THOC7: variants seen among roughly 807,000 people sequenced by gnomAD.
THOC7 encodes the protein THO complex subunit 7.
A neutral mutation model predicts 33.1 loss-of-function variants in THOC7; 22 were observed. That is an observed-to-expected ratio of 0.66 (90% CI 0.47 to 0.95). THOC7 has a LOEUF of 0.95. Among genes scored for constraint, THOC7 ranks in the 40% least tolerant of loss-of-function variants. THOC7 has a pLI of 0.00. For missense variants in THOC7, 184 were observed against 245.3 expected (o/e 0.75, Z 1.67); for synonymous variants, 77 against 76.8 (o/e 1.00, Z -0.01).
At chr3:63,844,892 A>C (rs1670714202) in intron 1 of THOC7, 1 of 514,070 alleles carries the variant, frequency 1.9e-6, no homozygotes, top group African/African-American at 1.9e-5. Context: ...GTAAGACGGA[A>C]AATTGTACTG....
rs1701705964 is a variant in THOC7 at position 63,839,365 on chromosome 3, A to G, written c.137+291T>C. On this transcript the variant is annotated intron_variant, in intron 2 of 7. Coordinates refer to ENST00000295899, the MANE Select transcript of THOC7 (RefSeq NM_025075.4). ...TTTTATTAGCAAAGGAGAAAATTCC[A>G]TTTAGATATTTTATCTTACTAAACA... Among the ~76,000 whole-genome samples, 3 of 152,178 alleles carry G rather than the reference A, an allele frequency of 2.0e-5. No individual in the cohort carries two copies. The South Asian group carries it at 6.2e-4, about 32-fold the overall frequency.
At chr3:63,841,224 T>C (rs546515037) in intron 1 of THOC7, among the ~76,000 whole-genome samples, 1 of 152,294 alleles carries the variant, frequency 6.6e-6, no homozygotes, top group South Asian at 2.1e-4. Flanking sequence ...TGTGTGCATG[T>C]GTATCACACA....
At chr3:63,845,666 C>A (rs966634491) in intron 1 of THOC7, among the ~76,000 whole-genome samples, 2 of 151,984 alleles carry the variant, frequency 1.3e-5, no homozygotes, top group African/African-American at 4.8e-5. Context: ...CTGGGTCAGA[C>A]AAAAAAGAAA....
chr3:63,859,156 C>CATTT (rs2107167319), intron 1 of THOC7, among the ~76,000 whole-genome samples: 1 of 152,348 alleles, frequency 6.6e-6, no homozygotes, highest in South Asian at 2.1e-4. Context: ...TCCAAGCCCA[C>CATTT]ATTTCTCTCA....
chr3:63,852,498 C>G (rs186973030), intron 1 of THOC7, among the ~76,000 whole-genome samples: 2 of 152,268 alleles, frequency 1.3e-5, no homozygotes, highest in African/African-American at 4.8e-5. Context: ...CTTCTCACCC[C>G]AGGCAGGGAG....
At chr3:63,864,223 C>T (rs187998953), upstream of THOC7, among the ~76,000 whole-genome samples, 30 of 149,412 alleles carry the variant, frequency 2.0e-4, no homozygotes, top group East Asian at 5.9e-3. Flanking sequence ...CGCCCGCAGT[C>T]GGGGTCCCGG....
intron 1 of THOC7, among the ~76,000 whole-genome samples, chr3:63,855,678 C>A: frequency 6.6e-6 from 1 of 152,194 alleles, no homozygotes; most frequent in East Asian, 1.9e-4. Flanking sequence ...CAGGTCAAGG[C>A]TTGACAACCA....
At chr3:63,846,275 T>C in intron 1 of THOC7, 2 of 436,660 alleles carry the variant, frequency 4.6e-6, no homozygotes, top group South Asian at 1.6e-5. Flanking sequence ...AATCAGGAGA[T>C]AATCCCCAAG....
chr3:63,836,349 G>T lies in THOC7; in HGVS notation c.362C>A (p.Ala121Asp). The T allele has an allele frequency of 6.2e-7, 1 of 1,612,372 alleles. No homozygotes were observed. The highest frequency in any genetic ancestry group is 8.5e-7 in the Non-Finnish European group (1 of 1,178,988). Residue 121 changes from alanine (A) to aspartate (D), a missense_variant, in exon 5 of 8, where the codon GCT becomes GAT. Ala to Asp is a moderately radical substitution (Grantham distance 126). This residue lies in a region of THOC7 where 157 missense variants were observed against 201.3 expected (regional missense o/e 0.78). Transcript: ENST00000295899. ...RIRKNRQEYDALAKVIQHHPD... is the reference protein window; with the variant it reads ...RIRKNRQEYDDLAKVIQHHPD... ...ATGGTGCTGAATCACTTTTGCCAAA[G>T]CATCATATTCTGTAAGACATAAAAA...
In THOC7 at chr3:63,838,371, C is replaced by T; in HGVS notation, c.265+1G>A. On this transcript the variant is annotated splice_donor_variant, in intron 3 of 7. Transcript: ENST00000295899. LOFTEE classifies it high-confidence loss of function. The stretch of plus-strand genomic sequence containing the variant: ...CAGATAGAAACATTAAGATTCTTTA[C>T]CTATTTCCTTGTAAATTTTTTCATA... 1.3e-6 allele frequency: 2 copies of T among 1,482,030 alleles called. No individual in the cohort carries two copies. The highest frequency in any genetic ancestry group is 1.9e-6 in the Non-Finnish European group (2 of 1,071,272). 91.8% of individuals were successfully genotyped at this position (1,482,030 alleles called of 1,614,324 possible). A position where few individuals can be genotyped will look rare whatever the true frequency, so the allele number is the denominator to read the frequency against.
intron 1 of THOC7, among the ~76,000 whole-genome samples, chr3:63,844,307 TTAA>T (rs1464063481): frequency 6.6e-6 from 1 of 152,200 alleles, no homozygotes; most frequent in Non-Finnish European, 1.5e-5. Context: ...GTGACTATAG[TTAA>T]TGATGATATA....
At chr3:63,836,178 T>A (rs1033822155) in intron 5 of THOC7, 123 bp downstream of exon 5, 31 of 825,920 alleles carry the variant, frequency 3.8e-5, no homozygotes, top group Middle Eastern at 5.8e-4. Context: ...GAAAATATAA[T>A]ATTGAATATC....
chr3:63,845,483 A>G (rs1161343467), intron 1 of THOC7, among the ~76,000 whole-genome samples: 1 of 151,930 alleles, frequency 6.6e-6, no homozygotes, highest in African/African-American at 2.4e-5. Flanking sequence ...TGTGCGTTAC[A>G]CTCTCTGTGG....
At chr3:63,836,430 A>G in intron 4 of THOC7, 72 bp from the exon 5 acceptor site, 1 of 1,383,980 alleles carries the variant, frequency 7.2e-7, no homozygotes, top group Non-Finnish European at 1.0e-6. Flanking sequence ...AATGTGTAAT[A>G]TCACAAACCT....
At chr3:63,845,135 C>G (rs913746370) in intron 1 of THOC7, 1 of 649,322 alleles carries the variant, frequency 1.5e-6, no homozygotes. Flanking sequence ...CTTCATGTAG[C>G]CCTGAGGGTT....
At chr3:63,844,990 C>A (rs1041768794) in intron 1 of THOC7, 1 of 683,726 alleles carries the variant, frequency 1.5e-6, no homozygotes, top group East Asian at 2.7e-5. Context: ...CAATTGAGAT[C>A]TTTACATTTG....
At chr3:63,847,589 T>G (rs1219718884) in intron 1 of THOC7, among the ~76,000 whole-genome samples, 1 of 152,062 alleles carries the variant, frequency 6.6e-6, no homozygotes, top group Non-Finnish European at 1.5e-5. Context: ...ATACAAAAAT[T>G]AGCCGGGTGT....
intron 1 of THOC7, among the ~76,000 whole-genome samples, chr3:63,855,552 C>A (rs73122704): frequency 6.9e-4 from 105 of 152,242 alleles, no homozygotes; most frequent in Admixed American, 3.8e-3. Context: ...TAGCTGTGCT[C>A]TCATTTTAGC....
At position 63,840,500 on chromosome 3, in the gene THOC7, A is replaced by C. The variant is rs150391880; in HGVS notation, c.20-727T>G. ...CAGTAACTTGGGAGGCTGAGGTAGG[A>C]GGATCACTTGAGCCTCGGAGATCAA... On this transcript the variant is annotated intron_variant, in intron 1 of 7. Transcript: ENST00000295899. 3.3e-3 allele frequency among the ~76,000 whole-genome samples: 510 copies of C among 152,242 alleles called. 3 individuals are homozygous for C. Among genetic ancestry groups the C allele is most frequent in the African/African-American group, 0.012 (494 of 41,546 alleles).
Sources: gnomAD v4.1 joint callset for allele counts (sites outside exome capture counted in the v4.1 genomes callset) on GRCh38, gnomAD v4.1.1 for gene constraint, gnomAD v4.1.1 regional missense constraint, MANE v1.5 for transcripts, NCBI Gene and HGNC (gene_info 2026-07-23, HGNC 2026-07-21) for gene names.